The following SLC35F4 variants were observed in gnomAD, a reference collection of about 807,000 sequenced individuals.
SLC35F4 encodes solute carrier family 35 member F4.
Under a neutral mutation model 44.2 loss-of-function variants are expected in SLC35F4, and 24 were observed. The observed-to-expected ratio is 0.54, with a 90% CI of 0.39 to 0.76. The LOEUF is 0.76. Among genes scored for constraint, SLC35F4 ranks in the 30% least tolerant of loss-of-function variants. SLC35F4 has a pLI of 0.00. For synonymous variants in SLC35F4, 238 were observed against 223.6 expected (o/e 1.06, Z -0.57); for missense variants, 562 against 586.1 (o/e 0.96, Z 0.42).
intron 1 of SLC35F4, among the ~76,000 whole-genome samples, chr14:57,801,441 C>A (rs558532144): frequency 3.9e-5 from 6 of 152,160 alleles, no homozygotes; most frequent in Non-Finnish European, 5.9e-5. Context: ...AGTGACACTG[C>A]AAAGCAACCA....
intron 1 of SLC35F4, among the ~76,000 whole-genome samples, chr14:57,689,291 C>T (rs1174367164): frequency 6.6e-6 from 1 of 152,174 alleles, no homozygotes; most frequent in Non-Finnish European, 1.5e-5. Flanking sequence ...CCCTGTCCTG[C>T]CAAGTTGACC....
chr14:57,678,753 C>G (rs190312561), intron 1 of SLC35F4, among the ~76,000 whole-genome samples: 8 of 150,832 alleles, frequency 5.3e-5, no homozygotes, highest in Non-Finnish European at 1.0e-4. Context: ...AGACTTTAAA[C>G]CAACAAAGAT....
chr14:57,893,744 T>G (rs1226697140), intron 1 of SLC35F4, among the ~76,000 whole-genome samples: 1 of 152,174 alleles, frequency 6.6e-6, no homozygotes, highest in East Asian at 1.9e-4. Context: ...GTTTTTCAGG[T>G]GCCCTGTTAT....
intron 1 of SLC35F4, among the ~76,000 whole-genome samples, chr14:57,745,297 A>T (rs2076725429): frequency 6.6e-6 from 1 of 152,242 alleles, no homozygotes; most frequent in Non-Finnish European, 1.5e-5. Flanking sequence ...TGAACAGGCA[A>T]CCTACAGAAA....
intron 2 of SLC35F4, among the ~76,000 whole-genome samples, chr14:57,590,245 T>G (rs2070083231): frequency 7.0e-6 from 1 of 142,322 alleles, no homozygotes. Context: ...AAAAAAAAAT[T>G]AGCCGTGGGA....
chr14:57,921,096 A>C (rs1278296496), intron 1 of SLC35F4, among the ~76,000 whole-genome samples: 1 of 152,248 alleles, frequency 6.6e-6, no homozygotes, highest in East Asian at 1.9e-4. Context: ...TACAATGTTT[A>C]TTTCAGGAGA....
At chr14:57,630,686 T>G in intron 1 of SLC35F4, 2 of 609,138 alleles carry the variant, frequency 3.3e-6, no homozygotes, top group South Asian at 1.7e-5. Flanking sequence ...TCAGTGGCCA[T>G]TGACAGTATA....
At chr14:57,943,864 C>A (rs1160572933) in intron 1 of SLC35F4, among the ~76,000 whole-genome samples, 1 of 152,210 alleles carries the variant, frequency 6.6e-6, no homozygotes, top group African/African-American at 2.4e-5. Flanking sequence ...CTTTCTTGGA[C>A]TTCCTTCCCT....
At chr14:57,843,105 A>C (rs1298960570) in intron 1 of SLC35F4, among the ~76,000 whole-genome samples, 1 of 152,062 alleles carries the variant, frequency 6.6e-6, no homozygotes, top group Non-Finnish European at 1.5e-5. Context: ...CGGCTTCCCT[A>C]CTTTTGAGGT....
chr14:57,880,921 A>G (rs1566920291), intron 1 of SLC35F4, among the ~76,000 whole-genome samples: 1 of 152,254 alleles, frequency 6.6e-6, no homozygotes, highest in Non-Finnish European at 1.5e-5. Flanking sequence ...AAAGGGAGAC[A>G]TGGTTGACAC....
At chr14:57,621,601 A>G (rs2072183973) in intron 1 of SLC35F4, among the ~76,000 whole-genome samples, 1 of 152,348 alleles carries the variant, frequency 6.6e-6, no homozygotes, top group East Asian at 1.9e-4. Context: ...TGCTGGGAAA[A>G]CTGGCTAGCC....
chr14:57,932,594 A>G (rs1004185673), intron 1 of SLC35F4, among the ~76,000 whole-genome samples: 2 of 152,136 alleles, frequency 1.3e-5, no homozygotes, highest in African/African-American at 4.8e-5. Context: ...CACACCTGTA[A>G]TCCCAACACT....
chr14:57,656,238 T>C (rs1007240465), intron 1 of SLC35F4, among the ~76,000 whole-genome samples: 4 of 151,718 alleles, frequency 2.6e-5, no homozygotes, highest in Non-Finnish European at 4.4e-5. Context: ...AAGTGGGAGA[T>C]GAAGGGCAAA....
intron 2 of SLC35F4, among the ~76,000 whole-genome samples, chr14:57,592,397 G>A (rs1000098162): frequency 2.0e-5 from 3 of 152,038 alleles, no homozygotes; most frequent in Non-Finnish European, 4.4e-5. Flanking sequence ...TCTTCTCTTT[G>A]GTGCACTGGA....
chr14:57,881,502 A>C (rs1888534217), intron 1 of SLC35F4, among the ~76,000 whole-genome samples: 4 of 152,180 alleles, frequency 2.6e-5, no homozygotes, highest in Admixed American at 2.0e-4. Flanking sequence ...TGATTAAGAT[A>C]ATCAACTTCT....
At chr14:57,656,044 G>A (rs2073956226) in intron 1 of SLC35F4, among the ~76,000 whole-genome samples, 1 of 152,012 alleles carries the variant, frequency 6.6e-6, no homozygotes, top group African/African-American at 2.4e-5. Flanking sequence ...TCCTGGGCAA[G>A]TTTTGGGAAC....
intron 1 of SLC35F4, among the ~76,000 whole-genome samples, chr14:57,659,653 C>T (rs2140231454): frequency 6.6e-6 from 1 of 152,214 alleles, no homozygotes; most frequent in Admixed American, 6.5e-5. Context: ...GATGTGGTCC[C>T]AGAGCCCATG....
chr14:57,751,728 G>A (rs2076888188), intron 1 of SLC35F4, among the ~76,000 whole-genome samples: 1 of 152,144 alleles, frequency 6.6e-6, no homozygotes, highest in Admixed American at 6.6e-5. Context: ...AAGAACATTA[G>A]TTCTCAAAAA....
At position 57,888,911 on chromosome 14, in the gene SLC35F4, G is replaced by A. The variant is rs541600423; in HGVS notation, n.282+93002C>T. On this transcript the variant is annotated intron_variant and non_coding_transcript_variant, in intron 1 of 1. Coordinates refer to the SLC35F4 transcript ENST00000556568. ...ATATACCAAATATAAATAATTTGGAGAATGTGTATGCTTTTCCATTACACA... is the reference window on the plus strand; with the variant it reads ...ATATACCAAATATAAATAATTTGGAAAATGTGTATGCTTTTCCATTACACA... Among the ~76,000 whole-genome samples the A allele has an allele frequency of 4.5e-3, 691 of 152,244 alleles. 1 individual carries two copies. The highest frequency in any genetic ancestry group is 0.015 in the African/African-American group (642 of 41,538).
Sources: gnomAD v4.1 joint callset for allele counts (sites outside exome capture counted in the v4.1 genomes callset) on GRCh38, gnomAD v4.1.1 for gene constraint, MANE v1.5 for transcripts, NCBI Gene and HGNC (gene_info 2026-07-23, HGNC 2026-07-21) for gene names.